Variants in AK9 observed in about 807,000 individuals in gnomAD.
AK9 encodes the protein adenylate kinase domain containing 1.
In AK9, 191 loss-of-function variants were observed where a neutral mutation model predicts 239.6. The ratio of observed to expected loss-of-function variants is 0.80; its 90% CI spans 0.71 to 0.90. The LOEUF (loss-of-function observed/expected upper bound fraction) is 0.90. Ranked by LOEUF, AK9 falls within the 40% of genes least tolerant of loss-of-function variation. The pLI is 0.00. For synonymous variants in AK9, 689 were observed against 721.0 expected (o/e 0.96, Z 0.71); for missense variants, 1,995 against 2,214.7 (o/e 0.90, Z 1.99).
chr6:109,549,954 G>A (rs1396981748), intron 25 of AK9, 136 bp downstream of exon 25: 32 of 945,254 alleles, frequency 3.4e-5, no homozygotes, highest in East Asian at 2.5e-4. Context: ...GTGAGCCACC[G>A]CGCCCGGCCT....
intron 26 of AK9, among the ~76,000 whole-genome samples, chr6:109,545,571 T>C (rs1188520306): frequency 6.6e-6 from 1 of 152,220 alleles, no homozygotes; most frequent in Non-Finnish European, 1.5e-5. Context: ...TGCTCCTCCT[T>C]GCCTTCTGCC....
intron 35 of AK9, among the ~76,000 whole-genome samples, chr6:109,502,987 GTGTA>G (rs879799261): frequency 1.2e-3 from 173 of 149,578 alleles, no homozygotes; most frequent in South Asian, 2.9e-3. Flanking sequence ...GTGTGTGTGT[GTGTA>G]TTATTTTCAG....
rs931444199 is a variant in AK9, at chr6:109,516,027, G to A, written c.3895C>T (p.Arg1299Trp). The A allele has an allele frequency of 1.9e-5, 29 of 1,551,052 alleles. No individual in the cohort carries two copies. In the Admixed American group the frequency reaches 2.6e-4, roughly 14 times the overall value. ...LIPIISINGA[R>W]RNHIVQYTLN... ...GTATATTGTACAATGTGATTTCTCCGAGCTCCATTAATGGAAATTATTGGT... is the reference window on the plus strand; with the variant it reads ...GTATATTGTACAATGTGATTTCTCCAAGCTCCATTAATGGAAATTATTGGT... Residue 1299 changes from arginine (R) to tryptophan (W), a missense_variant, in exon 31 of 41, where the codon CGG (arginine) becomes TGG (tryptophan). Transcript: ENST00000424296.
At chr6:109,500,900 C>T (rs1180290947) in intron 35 of AK9, among the ~76,000 whole-genome samples, 1 of 152,070 alleles carries the variant, frequency 6.6e-6, no homozygotes. Flanking sequence ...TGCCTGTAGT[C>T]CCTGCTACTT....
chr6:109,588,690 T>C (rs944291722), intron 17 of AK9, among the ~76,000 whole-genome samples: 7 of 152,222 alleles, frequency 4.6e-5, no homozygotes, highest in African/African-American at 1.4e-4. Context: ...TCCTAGGTTC[T>C]CTTTCAGGAT....
chr6:109,651,766 C>T (rs2128304560), intron 8 of AK9, among the ~76,000 whole-genome samples: 1 of 152,230 alleles, frequency 6.6e-6, no homozygotes, highest in South Asian at 2.1e-4. Context: ...GAAATGCAAA[C>T]TACCATCAGA....
chr6:109,660,971 T>C (rs190265439), intron 6 of AK9: 13 of 506,374 alleles, frequency 2.6e-5, no homozygotes, highest in African/African-American at 1.4e-4. Context: ...ATGAAAGCCA[T>C]AGATTTTTGC....
intron 27 of AK9, among the ~76,000 whole-genome samples, chr6:109,535,969 C>A (rs927236055): frequency 6.6e-6 from 1 of 152,116 alleles, no homozygotes; most frequent in African/African-American, 2.4e-5. Context: ...GTCTATATGT[C>A]TGTTTTGGTA....
chr6:109,673,656 T>C (rs1208754346), intron 3 of AK9, among the ~76,000 whole-genome samples: 1 of 152,130 alleles, frequency 6.6e-6, no homozygotes, highest in Non-Finnish European at 1.5e-5. Context: ...AGAAAAGCTG[T>C]GAGAGTTCCA....
chr6:109,546,439 A>G (rs12194061), intron 25 of AK9, among the ~76,000 whole-genome samples: 52,526 of 152,108 alleles, frequency 0.35, 9,542 homozygotes, highest in South Asian at 0.44. Context: ...TACAGAATGG[A>G]AAGATACTTT....
chr6:109,552,184 A>G (rs1784449777), intron 24 of AK9, among the ~76,000 whole-genome samples: 1 of 152,180 alleles, frequency 6.6e-6, no homozygotes, highest in African/African-American at 2.4e-5. Context: ...CAATAAACAT[A>G]TGTGTGCTTG....
intron 1 of AK9, among the ~76,000 whole-genome samples, chr6:109,679,657 T>C (rs1583558842): frequency 1.3e-5 from 2 of 152,264 alleles, no homozygotes; most frequent in African/African-American, 4.8e-5. Flanking sequence ...GTCTCCTGAC[T>C]GGGAGACACC....
chr6:109,499,089 C>T lies in AK9; in HGVS notation c.5001G>A (p.Glu1667=). ...SATDSLEFAA[E]FRGHYYKMSS... is the part of the protein sequence containing the mutation. ...TCATTTTATAGTAGTGCCCCCTGAA[C>T]TCTGCTGCAAATTCCAAGGAGTCAG... Residue 1667 remains glutamate, a synonymous_variant, in exon 36 of 41, where the codon GAG becomes GAA. Transcript: ENST00000424296. 1.2e-6 allele frequency: 2 copies of T among 1,600,600 alleles called. No homozygotes were observed. The highest frequency in any genetic ancestry group is 1.1e-5 in the South Asian group (1 of 88,366).
chr6:109,498,962 T>A, intron 36 of AK9, 82 bp downstream of exon 36: 1 of 1,233,916 alleles, frequency 8.1e-7, no homozygotes, highest in Non-Finnish European at 1.1e-6. Flanking sequence ...AGTTTCTGGG[T>A]GCCTATCCCT....
intron 17 of AK9, among the ~76,000 whole-genome samples, chr6:109,591,445 A>G (rs1424301799): frequency 6.6e-6 from 1 of 152,096 alleles, no homozygotes; most frequent in East Asian, 1.9e-4. Flanking sequence ...TATGCAGCAC[A>G]TGGTTGGATT....
chr6:109,493,643 T>A lies in AK9; in HGVS notation c.5534-72A>T, dbSNP rs1169342728. On this transcript the variant is annotated intron_variant, in intron 40 of 40. Coordinates refer to ENST00000424296, the MANE Select transcript of AK9 (RefSeq NM_001145128.3). The stretch of plus-strand genomic sequence containing the variant: ...AGTCATTAAATGAAAGAGACCTGGA[T>A]GTGTGGTTGAGTTAGTTACACAGTT... 10 of 1,323,924 alleles carry A rather than the reference T, an allele frequency of 7.6e-6. No homozygotes were observed. The African/African-American group carries it at 1.0e-4, about 14-fold the overall frequency. 82.0% of individuals were successfully genotyped at this position (1,323,924 alleles called of 1,614,324 possible). A position where few individuals can be genotyped will look rare whatever the true frequency, so the allele number is the denominator to read the frequency against.
chr6:109,623,952 C>T (rs1322771743), intron 12 of AK9, among the ~76,000 whole-genome samples: 1 of 149,016 alleles, frequency 6.7e-6, no homozygotes, highest in Admixed American at 6.7e-5. Flanking sequence ...TTAGATAATA[C>T]ATTTTAAAAA....
In AK9 at chr6:109,506,340, T is replaced by G. The variant is rs773632069; in HGVS notation, c.4836A>C (p.Glu1612Asp). The G allele has an allele frequency of 1.9e-6, 3 of 1,613,338 alleles. No homozygotes were observed. The African/African-American group carries it at 4.0e-5, about 22-fold the overall frequency. Residue 1612 changes from glutamate to aspartate, a missense_variant, in exon 35 of 41, where the codon GAA (glutamate) becomes GAC (aspartate). Transcript: ENST00000424296. ...GTGCTATCTTACCTGCTTTTATTCT[T>G]TCCAGGTATGTCTGCATGTATTTAT... ...MVNKYMQTYLERIKAGKAACI... is the reference protein window; with the variant it reads ...MVNKYMQTYLDRIKAGKAACI...
intron 32 of AK9, among the ~76,000 whole-genome samples, chr6:109,511,382 T>C (rs966461575): frequency 2.0e-5 from 3 of 152,308 alleles, no homozygotes; most frequent in Middle Eastern, 3.4e-3. Flanking sequence ...TGAGGAATTT[T>C]TCTTCTGTGA....
Sources: allele counts gnomAD v4.1 joint callset (sites outside exome capture counted in the v4.1 genomes callset), GRCh38; gene constraint gnomAD v4.1.1; transcripts MANE v1.5; gene names NCBI Gene and HGNC (gene_info 2026-07-23, HGNC 2026-07-21).